The following RTRAF variants were observed in gnomAD, a reference collection of about 807,000 sequenced individuals.
RTRAF encodes RNA transcription, translation and transport factor, also known as tRNA-splicing ligase complex subunit RTRAF.
RTRAF carries 14 observed loss-of-function variants against 34.4 expected under a neutral mutation model. The observed-to-expected ratio is 0.41, with a 90% confidence interval of 0.27 to 0.64. The LOEUF (loss-of-function observed/expected upper bound fraction) is 0.64, where lower values mean the gene tolerates loss of function less well. Among genes scored for constraint, RTRAF ranks in the 30% least tolerant of loss-of-function variants. The probability of loss-of-function intolerance (pLI) is 0.34; values close to 1 mark genes in which losing one functional copy is unlikely to be tolerated. For synonymous variants in RTRAF, 96 were observed against 95.3 expected, an observed-to-expected ratio of 1.01 and a Z score of -0.04; for missense variants, 291 against 288.4, an observed-to-expected ratio of 1.01 and a Z score of -0.06.
At position 52,005,198 on chromosome 14, in the gene RTRAF, T is replaced by A. The variant is rs1890714129; in HGVS notation, c.*682T>A. On this transcript the variant is annotated 3_prime_UTR_variant, in exon 8 of 8. Transcript: ENST00000261700. ...TCTTAGTTGAATGAATTTGATCTTT[T>A]AAATATTAATGATAAATGTTTACAA... 6.8e-6 allele frequency: 2 copies of A among 296,074 alleles called. No individual in the cohort carries two copies. The highest frequency in any genetic ancestry group is 1.2e-5 in the Non-Finnish European group (2 of 161,046). 18.3% of individuals were successfully genotyped at this position (296,074 alleles called of 1,614,324 possible).
Position 52,007,801 on chromosome 14 carries a change from T to G in RTRAF, c.*3285T>G. On this transcript the variant is annotated 3_prime_UTR_variant, in exon 8 of 8. Coordinates refer to ENST00000261700, the MANE Select transcript of RTRAF (RefSeq NM_016039.3). Reference sequence around the variant, plus strand: ...AGGTTATCTATTTGCATTCCATCAGTAGTATTACCTGCATCTGCCCAGCAG... The same window carrying G: ...AGGTTATCTATTTGCATTCCATCAGGAGTATTACCTGCATCTGCCCAGCAG... 6.2e-7 allele frequency: 1 copy of G among 1,610,916 alleles called. No individual in the cohort carries two copies.
intron 2 of RTRAF, 112 bp from the exon 3 acceptor site, chr14:51,993,611 T>C (rs553467515): frequency 6.1e-6 from 4 of 654,986 alleles, no homozygotes; most frequent in African/African-American, 1.9e-5. Flanking sequence ...AGTAATGTTA[T>C]TAAAAAATTG....
intron 6 of RTRAF, 54 bp from the exon 7 acceptor site, chr14:52,004,140 A>G (rs201044073): frequency 1.8e-4 from 259 of 1,468,008 alleles, no homozygotes; most frequent in Middle Eastern, 2.2e-4. Context: ...CAGTTGAGGA[A>G]AGGATGCTAT....
intron 5 of RTRAF, among the ~76,000 whole-genome samples, chr14:52,000,110 C>A (rs908455247): frequency 1.3e-5 from 2 of 152,028 alleles, no homozygotes; most frequent in Non-Finnish European, 2.9e-5. Context: ...TAAGATGACA[C>A]AGAAAATGAC....
rs553231109 is a variant in RTRAF, at chr14:52,010,630, C to G, written c.*6114C>G. On this transcript the variant is annotated 3_prime_UTR_variant, in exon 8 of 8. Coordinates refer to ENST00000261700, the MANE Select transcript of RTRAF (RefSeq NM_016039.3). Reference sequence around the variant, plus strand: ...TATCTGAATTTTCTACATATCACATCACAGACTAATATTGTTTATACCAGT... The same window carrying G: ...TATCTGAATTTTCTACATATCACATGACAGACTAATATTGTTTATACCAGT... 86 of 395,044 alleles carry G rather than the reference C, an allele frequency of 2.2e-4. 2 individuals carry two copies. In the South Asian group the frequency reaches 2.8e-3, roughly 13 times the overall value. 24.5% of individuals were successfully genotyped at this position (395,044 alleles called of 1,614,324 possible).
At position 52,004,730 on chromosome 14, in the gene RTRAF, C is replaced by CCTTTCTCCTTT; in HGVS notation, c.*215_*225dup. 1 of 437,850 alleles carries CCTTTCTCCTTT rather than the reference C, an allele frequency of 2.3e-6. No homozygotes were observed. Among genetic ancestry groups the CCTTTCTCCTTT allele is most frequent in the Non-Finnish European group, 4.0e-6 (1 of 252,254 alleles). The allele number at this position is 437,850 out of a possible 1,614,324, so 27.1% of individuals were successfully genotyped here. On this transcript the variant is annotated 3_prime_UTR_variant, in exon 8 of 8. Transcript: ENST00000261700. ...ATGTACTGTATGTTTGCATAAATCACCTTTCTCCTTTGTGGTTAAGGCATA... is the reference window on the plus strand; with the variant it reads ...ATGTACTGTATGTTTGCATAAATCACCTTTCTCCTTTCTTTCTCCTTTGTGGTTAAGGCATA...
rs1890862740 is a variant in RTRAF at position 52,008,089 on chromosome 14, T to A, written c.*3573T>A. 1 of 742,718 alleles carries A rather than the reference T, an allele frequency of 1.3e-6. No individual in the cohort carries two copies. The highest frequency in any genetic ancestry group is 3.3e-5 in the Admixed American group (1 of 30,498). 46.0% of individuals were successfully genotyped at this position (742,718 alleles called of 1,614,324 possible). A position where few individuals can be genotyped will look rare whatever the true frequency, so the allele number is the denominator to read the frequency against. On this transcript the variant is annotated 3_prime_UTR_variant, in exon 8 of 8. Transcript: ENST00000261700. The stretch of plus-strand genomic sequence containing the variant: ...TATAGCCTTAAGCAATCCCCTTGAG[T>A]TTGGGCTGCATTAGTAGTGTCTTGC...
At chr14:51,993,901 A>G (rs2140327417) in intron 3 of RTRAF, 79 bp downstream of exon 3, 1 of 872,064 alleles carries the variant, frequency 1.1e-6, no homozygotes, top group South Asian at 1.7e-5. Context: ...GGAACTTTGC[A>G]GTTTGTTTTG....
In RTRAF at chr14:52,006,411, G is replaced by T. The variant is rs186568453; in HGVS notation, c.*1895G>T. On this transcript the variant is annotated 3_prime_UTR_variant, in exon 8 of 8. Transcript: ENST00000261700. The stretch of plus-strand genomic sequence containing the variant: ...GAAGGATCTTATCTGCCAATGAGGA[G>T]GTGATGAAACAAAAGCCTCAGAGGG... 3,819 of 958,830 alleles carry T rather than the reference G, an allele frequency of 4.0e-3. 10 individuals carry two copies. The highest frequency in any genetic ancestry group is 6.2e-3 in the Admixed American group (259 of 41,782). The allele number at this position is 958,830 out of a possible 1,614,324, so 59.4% of individuals were successfully genotyped here.
chr14:51,992,059 T>G (rs1890443031), intron 2 of RTRAF, among the ~76,000 whole-genome samples: 1 of 152,146 alleles, frequency 6.6e-6, no homozygotes, highest in Non-Finnish European at 1.5e-5. Context: ...GTGTTTATGC[T>G]TATATTTAAT....
chr14:52,005,391 C>T lies in RTRAF; in HGVS notation c.*875C>T, dbSNP rs1890727251. 4 of 1,260,916 alleles carry T rather than the reference C, an allele frequency of 3.2e-6. No individual in the cohort carries two copies. Among genetic ancestry groups the T allele is most frequent in the Non-Finnish European group, 4.3e-6 (4 of 933,338 alleles). 78.1% of individuals were successfully genotyped at this position (1,260,916 alleles called of 1,614,324 possible). On this transcript the variant is annotated 3_prime_UTR_variant, in exon 8 of 8. Coordinates refer to ENST00000261700, the MANE Select transcript of RTRAF (RefSeq NM_016039.3). ...TGGATGCTCAGGAACGTCTAATGGC[C>T]AATTCCTTTTTTACTTTCTTTGCCT...
In RTRAF at chr14:52,004,478, C is replaced by A; in HGVS notation, c.697C>A (p.Pro233Thr). 1 of 1,613,786 alleles carries A rather than the reference C, an allele frequency of 6.2e-7. No homozygotes were observed. Among genetic ancestry groups the A allele is most frequent in the Non-Finnish European group, 8.5e-7 (1 of 1,179,870 alleles). Reference protein sequence around the residue: ...IVAVQAIIADPKTDHRLGKVG... With the variant: ...IVAVQAIIADTKTDHRLGKVG... ...AGCTGTTCAGGCAATTATTGCTGAT[C>A]CAAAGACAGACCACAGACTGGGAAA... Residue 233 changes from proline (P) to threonine (T), a missense_variant, in exon 8 of 8, where the codon CCA (proline) becomes ACA (threonine). Pro to Thr is a conservative substitution (Grantham distance 38). Coordinates refer to ENST00000261700, the MANE Select transcript of RTRAF (RefSeq NM_016039.3).
chr14:51,999,444 T>C (rs184446013), intron 4 of RTRAF: 12 of 309,086 alleles, frequency 3.9e-5, no homozygotes, highest in African/African-American at 6.4e-5. Flanking sequence ...ACTGAACTCA[T>C]TGTAAGGTCA....
At position 52,006,728 on chromosome 14, in the gene RTRAF, T is replaced by C; in HGVS notation, c.*2212T>C. 6.5e-7 allele frequency: 1 copy of C among 1,538,130 alleles called. No individual in the cohort carries two copies. The highest frequency in any genetic ancestry group is 9.0e-7 in the Non-Finnish European group (1 of 1,115,796). The stretch of plus-strand genomic sequence containing the variant: ...GCCAAAAATGATAGTGACATAGTGA[T>C]AGTGACACAGTGATAGAATGGGGAA... On this transcript the variant is annotated 3_prime_UTR_variant, in exon 8 of 8. Transcript: ENST00000261700.
intron 3 of RTRAF, among the ~76,000 whole-genome samples, chr14:51,994,562 C>CT (rs1343949769): frequency 6.6e-6 from 1 of 152,152 alleles, no homozygotes; most frequent in Non-Finnish European, 1.5e-5. Context: ...GCTCTTGTCA[C>CT]TTTCTGCCAG....
chr14:52,005,654 A>G lies in RTRAF; in HGVS notation c.*1138A>G. 1 of 1,374,558 alleles carries G rather than the reference A, an allele frequency of 7.3e-7. No individual in the cohort carries two copies. Among genetic ancestry groups the G allele is most frequent in the Non-Finnish European group, 1.0e-6 (1 of 964,234 alleles). 85.1% of individuals were successfully genotyped at this position (1,374,558 alleles called of 1,614,324 possible). ...AAGAAGGCAATGGTGGCAGTGTCAC[A>G]GGCAGCAGGGGTAATCAAATACCAT... is the stretch of plus-strand genomic sequence containing the variant. On this transcript the variant is annotated 3_prime_UTR_variant, in exon 8 of 8. Transcript: ENST00000261700.
In RTRAF at chr14:52,007,475, A is replaced by C; in HGVS notation, c.*2959A>C. 3.5e-6 allele frequency: 1 copy of C among 283,082 alleles called. No individual in the cohort carries two copies. The highest frequency in any genetic ancestry group is 6.7e-6 in the Non-Finnish European group (1 of 149,382). The allele number at this position is 283,082 out of a possible 1,614,324, so 17.5% of individuals were successfully genotyped here. On this transcript the variant is annotated 3_prime_UTR_variant, in exon 8 of 8. Coordinates refer to ENST00000261700, the MANE Select transcript of RTRAF (RefSeq NM_016039.3). ...AGCATTATAACAGATGTTTATAGGT[A>C]AGTTATAGTGACCCTCTCCCCGCAT...
intron 4 of RTRAF, 94 bp from the exon 5 acceptor site, chr14:51,999,614 G>A (rs960945819): frequency 2.6e-5 from 22 of 850,224 alleles, no homozygotes; most frequent in South Asian, 5.6e-5. Context: ...TGTTGCTACC[G>A]AAAAGTTAAA....
chr14:51,991,189 T>G (rs1053537000), intron 1 of RTRAF, 128 bp from the exon 2 acceptor site: 3 of 933,060 alleles, frequency 3.2e-6, no homozygotes, highest in African/African-American at 1.7e-5. Context: ...AACTCCCTCT[T>G]TTGGTTCAAT....
Sources: gnomAD v4.1 joint callset for allele counts (sites outside exome capture counted in the v4.1 genomes callset) on GRCh38, gnomAD v4.1.1 for gene constraint, MANE v1.5 for transcripts, NCBI Gene and HGNC (gene_info 2026-07-23, HGNC 2026-07-21) for gene names.